Variants in ADGRL2 observed in about 807,000 individuals in gnomAD.
The protein encoded by ADGRL2 is calcium-independent alpha-latrotoxin receptor 2.
Under a neutral mutation model 157.4 loss-of-function variants are expected in ADGRL2, and 44 were observed. The ratio of observed to expected loss-of-function variants is 0.28; its 90% CI spans 0.22 to 0.36. The LOEUF (loss-of-function observed/expected upper bound fraction) is 0.36. Ranked by LOEUF, ADGRL2 falls within the 10% of genes least tolerant of loss-of-function variation. The pLI, the probability that ADGRL2 is intolerant of heterozygous loss-of-function variation, is 1.00. For synonymous variants in ADGRL2, 585 were observed against 624.7 expected, an observed-to-expected ratio of 0.94 and a Z score of 0.95; for missense variants, 1,510 against 1,768.9, an observed-to-expected ratio of 0.85 and a Z score of 2.63.
chr1:81,717,089 A>G (rs2084142924), intron 1 of ADGRL2, among the ~76,000 whole-genome samples: 2 of 152,290 alleles, frequency 1.3e-5, no homozygotes, highest in Non-Finnish European at 2.9e-5. Context: ...TCTATTTAGC[A>G]TCGGTTGGTC....
At chr1:81,569,295 A>ATTTATC (rs1570530175) in intron 2 of ADGRL2, among the ~76,000 whole-genome samples, 1 of 152,200 alleles carries the variant, frequency 6.6e-6, no homozygotes, top group East Asian at 1.9e-4. Context: ...TTACATGATA[A>ATTTATC]ATTAATATAC....
chr1:81,790,546 T>C (rs2087285799), intron 2 of ADGRL2, among the ~76,000 whole-genome samples: 1 of 152,218 alleles, frequency 6.6e-6, no homozygotes, highest in Non-Finnish European at 1.5e-5. Context: ...AGTACATTTA[T>C]ATAAGATTTC....
chr1:81,635,226 C>T (rs529578169), intron 3 of ADGRL2, among the ~76,000 whole-genome samples: 4 of 152,132 alleles, frequency 2.6e-5, no homozygotes, highest in Non-Finnish European at 4.4e-5. Context: ...TCTCCGTGTT[C>T]GCCTTCTCCA....
chr1:81,318,669 A>T (rs1052736703), intron 1 of ADGRL2, among the ~76,000 whole-genome samples: 1 of 152,160 alleles, frequency 6.6e-6, no homozygotes, highest in African/African-American at 2.4e-5. Flanking sequence ...TTCTTTAGTA[A>T]TCTGGAAAAT....
Position 81,992,754 on chromosome 1 carries a change from T to C in ADGRL2, c.*1609T>C, listed in dbSNP as rs972630529. Among the ~76,000 whole-genome samples the C allele has an allele frequency of 2.0e-5, 3 of 152,030 alleles. No homozygotes were observed. Among genetic ancestry groups the C allele is most frequent in the African/African-American group, 4.8e-5 (2 of 41,410 alleles). On this transcript the variant is annotated 3_prime_UTR_variant, in exon 24 of 24. Transcript: ENST00000686636. ...TTTTTAACTGATTTTTCAGCAGTAT[T>C]GGGAAGTTTCTTAAACATACTTTAA...
intron 2 of ADGRL2, among the ~76,000 whole-genome samples, chr1:81,864,840 G>A (rs1463291451): frequency 6.6e-6 from 1 of 152,112 alleles, no homozygotes; most frequent in Non-Finnish European, 1.5e-5. Context: ...ACAAAAATTA[G>A]CTGGGTGTTG....
intron 3 of ADGRL2, among the ~76,000 whole-genome samples, chr1:81,674,780 G>C (rs1485050461): frequency 6.6e-6 from 1 of 152,050 alleles, no homozygotes; most frequent in Non-Finnish European, 1.5e-5. Flanking sequence ...CAAAGAAATT[G>C]GCACTACAGG....
intron 1 of ADGRL2, among the ~76,000 whole-genome samples, chr1:81,719,240 G>C (rs950446703): frequency 1.3e-5 from 2 of 152,154 alleles, no homozygotes; most frequent in African/African-American, 4.8e-5. Context: ...TACTACGTAA[G>C]AAAGAATATC....
intron 3 of ADGRL2, among the ~76,000 whole-genome samples, chr1:81,677,337 TG>T (rs2083017900): frequency 6.6e-6 from 1 of 152,224 alleles, no homozygotes; most frequent in African/African-American, 2.4e-5. Context: ...CAACTCCTTG[TG>T]ATCTAGTTGA....
At chr1:81,534,793 G>A (rs2079693609) in intron 2 of ADGRL2, among the ~76,000 whole-genome samples, 1 of 152,126 alleles carries the variant, frequency 6.6e-6, no homozygotes, top group African/African-American at 2.4e-5. Context: ...CACCTTGCAT[G>A]GCTTATGTCT....
chr1:81,383,588 A>C (rs1224291803), intron 1 of ADGRL2, among the ~76,000 whole-genome samples: 1 of 151,902 alleles, frequency 6.6e-6, no homozygotes, highest in African/African-American at 2.4e-5. Context: ...CACTCTGCAA[A>C]ATTTTAAAGG....
chr1:81,916,706 G>A (rs1248571967), intron 3 of ADGRL2, among the ~76,000 whole-genome samples: 1 of 151,870 alleles, frequency 6.6e-6, no homozygotes, highest in Non-Finnish European at 1.5e-5. Flanking sequence ...GAAATATGCT[G>A]TTTATTAATA....
intron 3 of ADGRL2, among the ~76,000 whole-genome samples, chr1:81,911,876 A>AT (rs543340647): frequency 0.035 from 4,178 of 120,702 alleles, 126 homozygotes; most frequent in African/African-American, 0.079. Flanking sequence ...CCTGCCTCCC[A>AT]TTTTTTTTTT....
At chr1:81,683,926 C>T (rs1185269347) in intron 3 of ADGRL2, among the ~76,000 whole-genome samples, 3 of 152,124 alleles carry the variant, frequency 2.0e-5, no homozygotes, top group African/African-American at 7.2e-5. Context: ...AAGCGATTCT[C>T]CTGCCTCAGC....
intron 3 of ADGRL2, among the ~76,000 whole-genome samples, chr1:81,618,828 T>C (rs935563440): frequency 6.6e-6 from 1 of 151,994 alleles, no homozygotes; most frequent in Non-Finnish European, 1.5e-5. Flanking sequence ...TATGACAGTA[T>C]ATGCATCAGT....
At chr1:81,324,204 A>T (rs1226781894) in intron 1 of ADGRL2, among the ~76,000 whole-genome samples, 1 of 152,040 alleles carries the variant, frequency 6.6e-6, no homozygotes, top group Non-Finnish European at 1.5e-5. Context: ...AGAAAGAGAG[A>T]TTAAAAATAT....
chr1:81,667,312 GCA>G (rs1169828728), intron 3 of ADGRL2, among the ~76,000 whole-genome samples: 1 of 152,102 alleles, frequency 6.6e-6, no homozygotes, highest in Non-Finnish European at 1.5e-5. Flanking sequence ...GTTTTCAAAA[GCA>G]CAGTCATTAA....
At chr1:81,583,055 C>A (rs908548014) in intron 3 of ADGRL2, among the ~76,000 whole-genome samples, 8 of 152,110 alleles carry the variant, frequency 5.3e-5, no homozygotes, top group African/African-American at 1.9e-4. Context: ...TTCTGTTATA[C>A]CGTACACCAA....
At chr1:81,967,351 TC>T (rs897391449) in intron 13 of ADGRL2, among the ~76,000 whole-genome samples, 1 of 150,256 alleles carries the variant, frequency 6.7e-6, no homozygotes, top group Non-Finnish European at 1.5e-5. Flanking sequence ...CAGCTCCACC[TC>T]CCGGGTTCAC....
Sources: allele counts gnomAD v4.1 joint callset (sites outside exome capture counted in the v4.1 genomes callset), GRCh38; gene constraint gnomAD v4.1.1; transcripts MANE v1.5; gene names NCBI Gene and HGNC (gene_info 2026-07-23, HGNC 2026-07-21).